Variants in RAI1 observed in about 807,000 individuals in gnomAD.
RAI1 encodes the protein retinoic acid induced 1.
RAI1 carries 9 observed loss-of-function variants against 123.8 expected under a neutral mutation model. The observed-to-expected ratio is 0.07, with a 90% CI of 0.04 to 0.13. The LOEUF (loss-of-function observed/expected upper bound fraction) is 0.13. Ranked by LOEUF, RAI1 falls within the 10% of genes least tolerant of loss-of-function variation. The pLI is 1.00. For synonymous variants in RAI1, 1,231 were observed against 1,127.3 expected (o/e 1.09, Z -1.84); for missense variants, 2,256 against 2,545.8 (o/e 0.89, Z 2.45).
intron 1 of RAI1, chr17:17,684,414 G>A (rs1448605117): frequency 1.3e-5 from 2 of 150,702 alleles, no homozygotes; most frequent in Non-Finnish European, 2.9e-5. Flanking sequence ...TCCACTGATG[G>A]GTCATACCCA....
intron 2 of RAI1, among the ~76,000 whole-genome samples, chr17:17,732,813 C>T (rs1916312557): frequency 6.6e-6 from 1 of 152,220 alleles, no homozygotes; most frequent in Non-Finnish European, 1.5e-5. Flanking sequence ...CTGGAAGACC[C>T]TCACTTTCCC....
rs745320469 is a variant in RAI1, at chr17:17,795,617, C to T, written c.2669C>T (p.Pro890Leu). 119 of 1,613,170 alleles carry T rather than the reference C, an allele frequency of 7.4e-5. No homozygotes were observed. The highest frequency in any genetic ancestry group is 6.9e-4 in the East Asian group (31 of 44,864). Residue 890 changes from proline (P) to leucine (L), a missense_variant, in exon 3 of 6, where the codon CCG becomes CTG. By Grantham distance (98) the Pro-to-Leu change is moderately conservative (BLOSUM62 -3). This residue lies in a region of RAI1 where 566 missense variants were observed against 616.0 expected (regional missense o/e 0.92). Coordinates refer to ENST00000353383, the MANE Select transcript of RAI1 (RefSeq NM_030665.4). This position sits in a 1 kb window ranked among gnomAD's most constrained non-coding sequence, Gnocchi z 5.9. The stretch of plus-strand genomic sequence containing the variant: ...GAGCAGAGGCCTGGCATGCAGGACC[C>T]GCTGTCACCCAAGGCCCCACTCATC... ...SPEQRPGMQD[P>L]LSPKAPLICT...
At chr17:17,741,840 C>T (rs577138374) in intron 2 of RAI1, among the ~76,000 whole-genome samples, 56 of 152,348 alleles carry the variant, frequency 3.7e-4, no homozygotes, top group Admixed American at 3.5e-3. Context: ...AGCTCACGGC[C>T]GTTGCTTCGG....
At chr17:17,779,743 G>A (rs2031494658) in intron 2 of RAI1, among the ~76,000 whole-genome samples, 1 of 150,548 alleles carries the variant, frequency 6.6e-6, no homozygotes, top group Admixed American at 6.6e-5. Flanking sequence ...GGTAGGCCCT[G>A]GGACTTCTCT....
At chr17:17,755,074 G>T (rs1049045548) in intron 2 of RAI1, among the ~76,000 whole-genome samples, 11 of 152,196 alleles carry the variant, frequency 7.2e-5, no homozygotes, top group South Asian at 2.1e-4. Flanking sequence ...CCCCCTGAAG[G>T]CTTTGCCTGA....
chr17:17,758,543 A>G (rs2030544592), intron 2 of RAI1, among the ~76,000 whole-genome samples: 1 of 152,158 alleles, frequency 6.6e-6, no homozygotes, highest in Non-Finnish European at 1.5e-5. Flanking sequence ...GGCTGTGCAG[A>G]TGTTGTTTAC....
At chr17:17,695,669 G>T (rs1178552272) in intron 1 of RAI1, among the ~76,000 whole-genome samples, 1 of 152,156 alleles carries the variant, frequency 6.6e-6, no homozygotes, top group Middle Eastern at 3.2e-3. Flanking sequence ...TGAGATTACA[G>T]GCACTTACCA....
At chr17:17,706,022 CAAAA>C (rs1197967787) in intron 1 of RAI1, among the ~76,000 whole-genome samples, 5 of 37,388 alleles carry the variant, frequency 1.3e-4, no homozygotes, top group Non-Finnish European at 3.0e-4. Context: ...GACTCTGTCT[CAAAA>C]AAAAAAAAAA....
chr17:17,706,064 C>T (rs949102199), intron 1 of RAI1, among the ~76,000 whole-genome samples: 4 of 147,504 alleles, frequency 2.7e-5, no homozygotes, highest in East Asian at 2.0e-4. Flanking sequence ...AAAAACCAAA[C>T]GCCACTTGAC....
At chr17:17,734,623 C>T (rs73294177) in intron 2 of RAI1, among the ~76,000 whole-genome samples, 3,523 of 152,288 alleles carry the variant, frequency 0.023, 80 homozygotes, top group African/African-American at 0.054. Flanking sequence ...CACCTGAAGG[C>T]TCCAAGAACT....
rs1000401023 is a variant in RAI1 at position 17,793,008 on chromosome 17, C to G, written c.60C>G (p.Thr20=). 4 of 1,614,144 alleles carry G rather than the reference C, an allele frequency of 2.5e-6. No homozygotes were observed. The highest frequency in any genetic ancestry group is 3.4e-6 in the Non-Finnish European group (4 of 1,180,012). The change falls in exon 3 of 6, where the codon ACC becomes ACG. Residue 20 remains threonine, a synonymous_variant. Transcript: ENST00000353383. ...FHGKQQNYQQ[T]SQETSRLENY... The stretch of plus-strand genomic sequence containing the variant: ...GCAAACAACAGAACTACCAGCAGAC[C>G]TCGCAGGAAACATCACGCCTAGAGA...
intron 2 of RAI1, among the ~76,000 whole-genome samples, chr17:17,742,984 C>T (rs966576026): frequency 2.6e-5 from 4 of 152,166 alleles, no homozygotes; most frequent in African/African-American, 9.7e-5. Flanking sequence ...CCCTTCATTC[C>T]AGTCCCTGAT....
At position 17,711,636 on chromosome 17, in the gene RAI1, C is replaced by T. The variant is rs547196805; in HGVS notation, c.-148-12392C>T. Reference sequence around the variant, plus strand: ...ACAAGGTGAGGCAAACCTTAGAGGACCTAGGATGAAGTTTCACGTAAAGGA... The same window carrying T: ...ACAAGGTGAGGCAAACCTTAGAGGATCTAGGATGAAGTTTCACGTAAAGGA... On this transcript the variant is annotated intron_variant, in intron 1 of 5. Transcript: ENST00000353383. Among the ~76,000 whole-genome samples the T allele has an allele frequency of 8.5e-5, 13 of 152,262 alleles. No homozygotes were observed. The East Asian group carries it at 2.5e-3, about 29-fold the overall frequency.
In RAI1 at chr17:17,709,417, G is replaced by A. The variant is rs184602752; in HGVS notation, c.-148-14611G>A. Among the ~76,000 whole-genome samples, 349 of 152,206 alleles carry A rather than the reference G, an allele frequency of 2.3e-3. 9 individuals carry two copies. Among genetic ancestry groups the A allele is most frequent in the Admixed American group, 0.022 (343 of 15,288 alleles). The stretch of plus-strand genomic sequence containing the variant: ...GCTGGCCCCCAAATACTCCTACCCC[G>A]ACTCTCTTCTCCACCCCTCCAGGCT... On this transcript the variant is annotated intron_variant, in intron 1 of 5. Coordinates refer to ENST00000353383, the MANE Select transcript of RAI1 (RefSeq NM_030665.4).
chr17:17,723,236 C>T (rs1343560153), intron 1 of RAI1, among the ~76,000 whole-genome samples: 4 of 151,996 alleles, frequency 2.6e-5, no homozygotes, highest in Non-Finnish European at 1.5e-5. Context: ...CTCACGGAGT[C>T]ACACAACCCC....
At chr17:17,746,250 C>T (rs184533451) in intron 2 of RAI1, among the ~76,000 whole-genome samples, 8 of 152,360 alleles carry the variant, frequency 5.3e-5, no homozygotes, top group Non-Finnish European at 1.0e-4. Flanking sequence ...CAGCTGCTCC[C>T]CAGAATGAAA....
At chr17:17,730,921 G>A (rs1916247862) in intron 2 of RAI1, among the ~76,000 whole-genome samples, 1 of 152,210 alleles carries the variant, frequency 6.6e-6, no homozygotes, top group Non-Finnish European at 1.5e-5. Context: ...CCTTACTTCG[G>A]GCCCACTCGC....
intron 1 of RAI1, chr17:17,683,838 C>G (rs1028884462): frequency 6.6e-6 from 1 of 152,200 alleles, no homozygotes; most frequent in Admixed American, 6.5e-5. Flanking sequence ...TTCCACTAGA[C>G]TGTGGGGCTC....
chr17:17,798,662 G>C (rs906403755), intron 3 of RAI1, 149 bp downstream of exon 3: 22 of 1,382,172 alleles, frequency 1.6e-5, no homozygotes, highest in East Asian at 1.5e-4. Flanking sequence ...GAGCCTCTCT[G>C]GGGTGTGTGG....
Sources: allele counts gnomAD v4.1 joint callset (sites outside exome capture counted in the v4.1 genomes callset), GRCh38; gene constraint gnomAD v4.1.1; regional missense constraint gnomAD v4.1.1; non-coding constraint Gnocchi (gnomAD v3.1); transcripts MANE v1.5; gene names NCBI Gene and HGNC (gene_info 2026-07-23, HGNC 2026-07-21).